NXPH1: variants seen among roughly 807,000 people sequenced by gnomAD.
NXPH1 encodes neurexophilin 1, also known as neurexophilin-1.
In NXPH1, 5 loss-of-function variants were observed where a neutral mutation model predicts 23.7. That is an observed-to-expected ratio of 0.21 (90% CI 0.11 to 0.44). NXPH1 has a LOEUF of 0.44. NXPH1 is among the 20% of genes least tolerant of loss of function. The pLI is 0.99. For synonymous variants in NXPH1, 144 were observed against 122.2 expected (o/e 1.18, Z -1.18); for missense variants, 324 against 321.6 (o/e 1.01, Z -0.06).
At chr7:8,605,453 T>G (rs1819465442) in intron 2 of NXPH1, among the ~76,000 whole-genome samples, 1 of 152,180 alleles carries the variant, frequency 6.6e-6, no homozygotes, top group Non-Finnish European at 1.5e-5. Flanking sequence ...TGAGTGCCAC[T>G]TCTGCACATA....
At chr7:8,518,381 C>G (rs571540545) in intron 2 of NXPH1, among the ~76,000 whole-genome samples, 18 of 152,176 alleles carry the variant, frequency 1.2e-4, no homozygotes, top group African/African-American at 4.3e-4. Context: ...CTCACATTTT[C>G]AAGGTATTTT....
intron 2 of NXPH1, among the ~76,000 whole-genome samples, chr7:8,506,739 A>T (rs548110826): frequency 6.6e-6 from 1 of 152,190 alleles, no homozygotes; most frequent in South Asian, 2.1e-4. Context: ...AGGCAAGGAG[A>T]TGGTGGTGCT....
intron 2 of NXPH1, among the ~76,000 whole-genome samples, chr7:8,460,362 T>C (rs989971963): frequency 1.3e-5 from 2 of 152,186 alleles, no homozygotes; most frequent in Non-Finnish European, 2.9e-5. Context: ...TATCTATCTT[T>C]CCTCGTCCAT....
At chr7:8,749,031 T>C (rs1320010959) in intron 2 of NXPH1, among the ~76,000 whole-genome samples, 2 of 152,188 alleles carry the variant, frequency 1.3e-5, no homozygotes, top group East Asian at 3.9e-4. Flanking sequence ...TCTGCATCTA[T>C]GTCCCTGGGG....
At chr7:8,513,141 G>A (rs1218270454) in intron 2 of NXPH1, among the ~76,000 whole-genome samples, 1 of 152,100 alleles carries the variant, frequency 6.6e-6, no homozygotes, top group Non-Finnish European at 1.5e-5. Flanking sequence ...CCCAAGTAAT[G>A]AGAGAACGTT....
intron 2 of NXPH1, among the ~76,000 whole-genome samples, chr7:8,726,719 T>G (rs1429232868): frequency 3.3e-5 from 5 of 149,578 alleles, no homozygotes; most frequent in Non-Finnish European, 7.4e-5. Context: ...CCACATTTTC[T>G]TAATCCAGTC....
Position 8,569,624 on chromosome 7 carries a change from A to G in NXPH1, c.54+133857A>G, listed in dbSNP as rs1470260697. Among the ~76,000 whole-genome samples, 3 of 151,998 alleles carry G rather than the reference A, an allele frequency of 2.0e-5. No homozygotes were observed. In the East Asian group the frequency reaches 5.8e-4, roughly 30 times the overall value. ...ATTTTTGAAGCTGGATGATGGGTCT[A>G]TGGGAGATTATTACACTCATCTCTA... On this transcript the variant is annotated intron_variant, in intron 2 of 2. Coordinates refer to ENST00000405863, the MANE Select transcript of NXPH1 (RefSeq NM_152745.3).
intron 2 of NXPH1, among the ~76,000 whole-genome samples, chr7:8,709,309 G>C (rs1478600103): frequency 6.6e-6 from 1 of 151,644 alleles, no homozygotes; most frequent in African/African-American, 2.4e-5. Context: ...TGCTCCCTTT[G>C]CCTTGATACC....
In NXPH1 at chr7:8,443,319, C is replaced by T. The variant is rs1239888126; in HGVS notation, c.54+7552C>T. Among the ~76,000 whole-genome samples, 6 of 152,342 alleles carry T rather than the reference C, an allele frequency of 3.9e-5. 1 individual carries two copies. The East Asian group carries it at 1.2e-3, about 29-fold the overall frequency. ...CAACTTCTCCCCCTACCCAGTCTCCCATTCTTTCACAGTTCATTAAATCTA... is the reference window on the plus strand; with the variant it reads ...CAACTTCTCCCCCTACCCAGTCTCCTATTCTTTCACAGTTCATTAAATCTA... On this transcript the variant is annotated intron_variant, in intron 2 of 2. Coordinates refer to ENST00000405863, the MANE Select transcript of NXPH1 (RefSeq NM_152745.3).
chr7:8,623,867 A>G (rs140125552), intron 2 of NXPH1, among the ~76,000 whole-genome samples: 426 of 152,068 alleles, frequency 2.8e-3, no homozygotes, highest in African/African-American at 9.6e-3. Context: ...ACCCATACTC[A>G]TAGTCACCCC....
chr7:8,594,464 A>T (rs2128625951), intron 2 of NXPH1, among the ~76,000 whole-genome samples: 1 of 152,152 alleles, frequency 6.6e-6, no homozygotes, highest in African/African-American at 2.4e-5. Flanking sequence ...TATTTTTTTA[A>T]CTACAGTGTA....
chr7:8,655,426 C>CTG (rs1820560566), intron 2 of NXPH1, among the ~76,000 whole-genome samples: 3 of 142,420 alleles, frequency 2.1e-5, no homozygotes, highest in Non-Finnish European at 4.5e-5. Context: ...CTCTCTCTCT[C>CTG]TCTCTCTCTC....
intron 2 of NXPH1, among the ~76,000 whole-genome samples, chr7:8,558,109 T>C (rs909246434): frequency 4.6e-5 from 7 of 151,742 alleles, no homozygotes; most frequent in Non-Finnish European, 8.9e-5. Context: ...GAGAGAGATT[T>C]CTATGAAATT....
chr7:8,592,091 T>C (rs570897076), intron 2 of NXPH1, among the ~76,000 whole-genome samples: 1 of 152,068 alleles, frequency 6.6e-6, no homozygotes, highest in East Asian at 1.9e-4. Flanking sequence ...CATCTAAATA[T>C]ATAACTGTAA....
chr7:8,485,195 T>G (rs770364673), intron 2 of NXPH1, among the ~76,000 whole-genome samples: 6 of 152,190 alleles, frequency 3.9e-5, no homozygotes, highest in Non-Finnish European at 7.3e-5. Flanking sequence ...TGAAATTTGA[T>G]GGTTTTATAA....
At chr7:8,454,930 T>A (rs537084738) in intron 2 of NXPH1, among the ~76,000 whole-genome samples, 1 of 152,214 alleles carries the variant, frequency 6.6e-6, no homozygotes, top group South Asian at 2.1e-4. Context: ...AGACAGAAAA[T>A]GGATGAAGAG....
In NXPH1 at chr7:8,563,678, G is replaced by A. The variant is rs117605526; in HGVS notation, c.54+127911G>A. Reference sequence around the variant, plus strand: ...GGGGTGATTCTGGTTGGGGGAAAAGGTTACCCATTTGGAAATTCCTCCTTC... The same window carrying A: ...GGGGTGATTCTGGTTGGGGGAAAAGATTACCCATTTGGAAATTCCTCCTTC... On this transcript the variant is annotated intron_variant, in intron 2 of 2. Coordinates refer to ENST00000405863, the MANE Select transcript of NXPH1 (RefSeq NM_152745.3). Among the ~76,000 whole-genome samples the A allele has an allele frequency of 5.9e-5, 9 of 151,804 alleles. No individual in the cohort carries two copies. The East Asian group carries it at 1.8e-3, about 30-fold the overall frequency.
intron 2 of NXPH1, among the ~76,000 whole-genome samples, chr7:8,730,758 C>G: frequency 1.3e-5 from 2 of 151,522 alleles, no homozygotes. Context: ...ACCTTTCTCT[C>G]TGGCTGCCCT....
At chr7:8,616,162 G>A (rs2189454) in intron 2 of NXPH1, among the ~76,000 whole-genome samples, 1 of 152,048 alleles carries the variant, frequency 6.6e-6, no homozygotes, top group African/African-American at 2.4e-5. Context: ...CTGACCTCAT[G>A]ATCTTTCACT....
Sources: allele counts gnomAD v4.1 joint callset (sites outside exome capture counted in the v4.1 genomes callset), GRCh38; gene constraint gnomAD v4.1.1; transcripts MANE v1.5; gene names NCBI Gene and HGNC (gene_info 2026-07-23, HGNC 2026-07-21).